The following PPP1R2 variants were observed in gnomAD, a reference collection of about 807,000 sequenced individuals.
PPP1R2 encodes protein phosphatase inhibitor 2.
Under a neutral mutation model 29.9 loss-of-function variants are expected in PPP1R2, and 16 were observed. The observed-to-expected ratio is 0.53, with a 90% confidence interval of 0.36 to 0.81. The LOEUF (loss-of-function observed/expected upper bound fraction) is 0.81, where lower values mean the gene tolerates loss of function less well. PPP1R2 is among the 30% of genes least tolerant of loss of function. The probability of loss-of-function intolerance (pLI) is 0.00; values close to 1 mark genes in which losing one functional copy is unlikely to be tolerated. For missense variants in PPP1R2, 197 were observed against 252.7 expected (o/e 0.78, Z 1.49); for synonymous variants, 76 against 91.5 (o/e 0.83, Z 0.96).
chr3:195,524,684 A>C (rs1475040523), intron 3 of PPP1R2, 135 bp downstream of exon 3: 4 of 762,090 alleles, frequency 5.2e-6, no homozygotes, highest in Admixed American at 2.9e-5. Context: ...AAAAAGGAAA[A>C]AAAAGTCGGC....
At chr3:195,520,012 A>C (rs897633017) in intron 4 of PPP1R2, among the ~76,000 whole-genome samples, 4 of 151,046 alleles carry the variant, frequency 2.6e-5, no homozygotes, top group Non-Finnish European at 5.9e-5. Context: ...CCGTTGTTTT[A>C]TTTTTTCTTT....
intron 5 of PPP1R2, among the ~76,000 whole-genome samples, chr3:195,517,339 A>G (rs950995738): frequency 2.0e-5 from 3 of 152,158 alleles, no homozygotes; most frequent in African/African-American, 7.2e-5. Context: ...GAAAGGGGGA[A>G]GGGAGGAGAC....
chr3:195,519,502 G>A (rs2641378), intron 4 of PPP1R2: 86,434 of 245,690 alleles, frequency 0.35, 16,139 homozygotes, highest in Middle Eastern at 0.39. Flanking sequence ...ACAAAAGAGC[G>A]AGTTACAACA....
At chr3:195,522,896 C>CT (rs1400547224) in intron 4 of PPP1R2, among the ~76,000 whole-genome samples, 1 of 152,200 alleles carries the variant, frequency 6.6e-6, no homozygotes, top group Non-Finnish European at 1.5e-5. Flanking sequence ...CCTTCTTCCT[C>CT]TTTTTTGTGA....
rs1718559754 is a variant in PPP1R2 at position 195,516,716 on chromosome 3, A to ATATCGAT, written c.*173_*179dup. Reference sequence around the variant, plus strand: ...TAAAGTACTAGGCACAAGAATATATATATCGATTAGGCATTTTCAGTCTAA... The same window carrying ATATCGAT: ...TAAAGTACTAGGCACAAGAATATATATATCGATTATCGATTAGGCATTTTCAGTCTAA... On this transcript the variant is annotated 3_prime_UTR_variant, in exon 6 of 6. Transcript: ENST00000618156. 1.7e-6 allele frequency: 1 copy of ATATCGAT among 588,176 alleles called. No homozygotes were observed. The highest frequency in any genetic ancestry group is 3.0e-6 in the Non-Finnish European group (1 of 330,986). 36.4% of individuals were successfully genotyped at this position (588,176 alleles called of 1,614,324 possible).
intron 1 of PPP1R2, among the ~76,000 whole-genome samples, chr3:195,533,144 C>T (rs910636296): frequency 1.3e-5 from 2 of 151,902 alleles, no homozygotes; most frequent in Non-Finnish European, 2.9e-5. Flanking sequence ...GTTAGGCGCT[C>T]GAGACCAGCC....
Position 195,534,008 on chromosome 3 carries a change from C to T in PPP1R2, c.123-4107G>A, listed in dbSNP as rs74657599. On this transcript the variant is annotated intron_variant, in intron 1 of 5. Transcript: ENST00000618156. ...AGGCTGCAGACGAGTTCCCAGAGGCCATTAAGAAAATCACTAATGAGAAAG... is the reference window on the plus strand; with the variant it reads ...AGGCTGCAGACGAGTTCCCAGAGGCTATTAAGAAAATCACTAATGAGAAAG... Among the ~76,000 whole-genome samples the T allele has an allele frequency of 1.6e-3, 244 of 152,240 alleles. 1 individual carries two copies. The highest frequency in any genetic ancestry group is 5.8e-3 in the African/African-American group (240 of 41,556).
rs1370780031 is a variant in PPP1R2, at chr3:195,542,888, C to T, written c.122+16G>A. 1 of 1,591,802 alleles carries T rather than the reference C, an allele frequency of 6.3e-7. No individual in the cohort carries two copies. The highest frequency in any genetic ancestry group is 8.6e-7 in the Non-Finnish European group (1 of 1,169,472). ...CGGGAAGGAGGGGCTCCCAGGCCGTCCCTCCCAGCGCTCACCTCAGCTCCT... is the reference window on the plus strand; with the variant it reads ...CGGGAAGGAGGGGCTCCCAGGCCGTTCCTCCCAGCGCTCACCTCAGCTCCT... On this transcript the variant is annotated intron_variant, in intron 1 of 5. Transcript: ENST00000618156.
chr3:195,542,940 G>T lies in PPP1R2; in HGVS notation c.86C>A (p.Ala29Asp). ...GTCGACATTCCCGCGGGGCTGTTCG[G>T]CCGACGCCACCATAGAGGAAGTCGT... ...TSTTSSMVAS[A>D]EQPRGNVDEE... The change falls in exon 1 of 6, where the codon GCC becomes GAC. Residue 29 changes from alanine to aspartate, a missense_variant. Ala to Asp is a moderately radical substitution (Grantham distance 126). This residue lies in a region of PPP1R2 where 54 missense variants were observed against 60.6 expected (regional missense o/e 0.89). Transcript: ENST00000618156. The T allele has an allele frequency of 6.2e-7, 1 of 1,603,058 alleles. No individual in the cohort carries two copies. The highest frequency in any genetic ancestry group is 1.7e-4 in the Middle Eastern group (1 of 5,990).
intron 1 of PPP1R2, among the ~76,000 whole-genome samples, chr3:195,531,174 C>A (rs908116744): frequency 2.0e-5 from 3 of 152,138 alleles, no homozygotes; most frequent in Admixed American, 6.5e-5. Flanking sequence ...AGTATTTGCA[C>A]AACTATTAAG....
intron 4 of PPP1R2, chr3:195,522,941 A>G (rs1718821674): frequency 6.6e-6 from 1 of 151,986 alleles, no homozygotes; most frequent in Non-Finnish European, 1.5e-5. Flanking sequence ...CCCTCTACCC[A>G]CAAGCTTGGA....
intron 1 of PPP1R2, among the ~76,000 whole-genome samples, chr3:195,536,238 C>G (rs1396694363): frequency 6.8e-6 from 1 of 146,704 alleles, no homozygotes; most frequent in Non-Finnish European, 1.5e-5. Flanking sequence ...GTGGGAGGAT[C>G]ACCTGAGCCC....
chr3:195,532,892 T>C (rs969580405), intron 1 of PPP1R2, among the ~76,000 whole-genome samples: 6 of 152,240 alleles, frequency 3.9e-5, no homozygotes, highest in Non-Finnish European at 7.3e-5. Flanking sequence ...CTAGTTAAAA[T>C]GTAACGTTAA....
Position 195,516,925 on chromosome 3 carries a change from G to T in PPP1R2, c.589C>A (p.Gln197Lys), listed in dbSNP as rs199691918. Residue 197 changes from glutamine (Q) to lysine (K), a missense_variant, in exon 6 of 6, where the codon CAA (glutamine) becomes AAA (lysine). Gln to Lys is a moderately conservative substitution (Grantham distance 53). This residue lies in a region of PPP1R2 where 135 missense variants were observed against 163.0 expected (regional missense o/e 0.83). Transcript: ENST00000618156. The stretch of plus-strand genomic sequence containing the variant: ...GAACTTCGTAATTTGTTTTGCTGTT[G>T]GTCACTTGGAGTAGATCCTGCAAAG... ...ESNQGSTPSDQQQNKLRSS is the reference protein window; with the variant it reads ...ESNQGSTPSDKQQNKLRSS 128 of 1,612,588 alleles carry T rather than the reference G, an allele frequency of 7.9e-5. No homozygotes were observed. In the East Asian group the frequency reaches 1.7e-3, roughly 21 times the overall value.
At chr3:195,529,637 C>T (rs765549500) in intron 2 of PPP1R2, 157 bp downstream of exon 2, 1 of 522,998 alleles carries the variant, frequency 1.9e-6, no homozygotes, top group Non-Finnish European at 3.3e-6. Context: ...ATCACTTAAA[C>T]CATTACTAAA....
At chr3:195,536,065 G>C (rs1484959069) in intron 1 of PPP1R2, among the ~76,000 whole-genome samples, 1 of 152,074 alleles carries the variant, frequency 6.6e-6, no homozygotes, top group Admixed American at 6.6e-5. Flanking sequence ...TGTATTATAA[G>C]AACGCAGTAA....
rs1209237948 is a variant in PPP1R2 at position 195,516,576 on chromosome 3, A to C, written c.*320T>G. ...TGAAAATAAATTAGTTCCCCCCCAA[A>C]GATATTGTTTAACTTCTAAAGCATA... On this transcript the variant is annotated 3_prime_UTR_variant, in exon 6 of 6. Coordinates refer to ENST00000618156, the MANE Select transcript of PPP1R2 (RefSeq NM_006241.8). 3 of 247,036 alleles carry C rather than the reference A, an allele frequency of 1.2e-5. No individual in the cohort carries two copies. The highest frequency in any genetic ancestry group is 6.7e-5 in the African/African-American group (3 of 44,664). The allele number at this position is 247,036 out of a possible 1,614,324, so 15.3% of individuals were successfully genotyped here. A position where few individuals can be genotyped will look rare whatever the true frequency, so the allele number is the denominator to read the frequency against.
chr3:195,532,143 G>T (rs1719202851), intron 1 of PPP1R2, among the ~76,000 whole-genome samples: 1 of 151,576 alleles, frequency 6.6e-6, no homozygotes, highest in Non-Finnish European at 1.5e-5. Context: ...TGATCCTCCT[G>T]CCTCAGCCTC....
At chr3:195,536,982 G>A (rs548877373) in intron 1 of PPP1R2, among the ~76,000 whole-genome samples, 1 of 151,932 alleles carries the variant, frequency 6.6e-6, no homozygotes, top group South Asian at 2.1e-4. Context: ...CAGAAATTAA[G>A]TTTTCTTGAA....
Sources: gnomAD v4.1 joint callset for allele counts (sites outside exome capture counted in the v4.1 genomes callset) on GRCh38, gnomAD v4.1.1 for gene constraint, gnomAD v4.1.1 regional missense constraint, MANE v1.5 for transcripts, NCBI Gene and HGNC (gene_info 2026-07-23, HGNC 2026-07-21) for gene names.